The following BMAL2 variants were observed in gnomAD, a reference collection of about 807,000 sequenced individuals.
BMAL2 encodes the protein basic helix-loop-helix ARNT like 2, also known as basic helix-loop-helix ARNT-like protein 2.
chr12:27,375,229 T>C, the BMAL2 span, among the ~76,000 whole-genome samples: 1 of 152,164 alleles, frequency 6.6e-6, no homozygotes, highest in South Asian at 2.1e-4. Context: ...TTCTAGGAAT[T>C]TATCCTAGAG....
At chr12:27,401,160 T>C in the BMAL2 span, 2 of 949,106 alleles carry the variant, frequency 2.1e-6, no homozygotes, top group African/African-American at 3.2e-5. Flanking sequence ...CCCTACCCTG[T>C]GCACTTCTTT....
chr12:27,409,175 T>C, the BMAL2 span, among the ~76,000 whole-genome samples: 1 of 152,228 alleles, frequency 6.6e-6, no homozygotes, highest in South Asian at 2.1e-4. Flanking sequence ...CTGCCCAAGG[T>C]AATTTATAGA....
At chr12:27,390,408 A>G in the BMAL2 span, 1 of 680,772 alleles carries the variant, frequency 1.5e-6, no homozygotes, top group East Asian at 2.9e-5. Context: ...TGTTCATCAC[A>G]TCTTTCGAAT....
the BMAL2 span, among the ~76,000 whole-genome samples, chr12:27,402,356 C>T: frequency 1.3e-5 from 2 of 151,862 alleles, no homozygotes; most frequent in Non-Finnish European, 2.9e-5. Flanking sequence ...TCCCAGTAGT[C>T]TTTGCCTACT....
chr12:27,377,260 G>C, the BMAL2 span, among the ~76,000 whole-genome samples: 1 of 152,178 alleles, frequency 6.6e-6, no homozygotes, highest in African/African-American at 2.4e-5. Context: ...CTAGCCTCTG[G>C]ATAAATATGC....
the BMAL2 span, among the ~76,000 whole-genome samples, chr12:27,378,035 C>G: frequency 6.6e-6 from 1 of 152,296 alleles, no homozygotes; most frequent in East Asian, 1.9e-4. Context: ...AAGTCTCCCA[C>G]TTACCCTCTT....
chr12:27,418,454 A>C, the BMAL2 span, among the ~76,000 whole-genome samples: 1 of 151,740 alleles, frequency 6.6e-6, no homozygotes, highest in Non-Finnish European at 1.5e-5. Context: ...AAATTGTTTT[A>C]ATTAGCTAGG....
chr12:27,381,149 TATGTG>T, the BMAL2 span, among the ~76,000 whole-genome samples: 2 of 152,142 alleles, frequency 1.3e-5, no homozygotes, highest in African/African-American at 4.8e-5. Context: ...TATCCTCAAA[TATGTG>T]AGACACTGGG....
At chr12:27,370,790 G>A in the BMAL2 span, among the ~76,000 whole-genome samples, 1 of 152,132 alleles carries the variant, frequency 6.6e-6, no homozygotes, top group Non-Finnish European at 1.5e-5. Context: ...ATTTTTAGTA[G>A]AGATGAGGTT....
At chr12:27,388,110 C>T in the BMAL2 span, among the ~76,000 whole-genome samples, 2 of 152,048 alleles carry the variant, frequency 1.3e-5, no homozygotes, top group African/African-American at 4.8e-5. Context: ...CACGCACACA[C>T]ACACACACAC....
chr12:27,406,718 A>G, the BMAL2 span, among the ~76,000 whole-genome samples: 1 of 152,222 alleles, frequency 6.6e-6, no homozygotes, highest in Non-Finnish European at 1.5e-5. Context: ...TATCATAATG[A>G]CAGGATCAAA....
At chr12:27,374,507 C>G in the BMAL2 span, among the ~76,000 whole-genome samples, 3 of 152,092 alleles carry the variant, frequency 2.0e-5, no homozygotes, top group Admixed American at 1.3e-4. Context: ...AGCCAGTCCC[C>G]CATGGATGCT....
At chr12:27,418,824 A>G in the BMAL2 span, among the ~76,000 whole-genome samples, 45 of 151,978 alleles carry the variant, frequency 3.0e-4, no homozygotes, top group Non-Finnish European at 5.6e-4. Context: ...CTGAAAATAC[A>G]AAAAATTAGC....
the BMAL2 span, among the ~76,000 whole-genome samples, chr12:27,343,560 A>G: frequency 6.6e-6 from 1 of 152,140 alleles, no homozygotes; most frequent in Non-Finnish European, 1.5e-5. Context: ...TGTATTTTCC[A>G]GTATATAACA....
chr12:27,345,039 A>G, the BMAL2 span, among the ~76,000 whole-genome samples: 1 of 152,090 alleles, frequency 6.6e-6, no homozygotes, highest in Non-Finnish European at 1.5e-5. Context: ...TGGCTTCCTA[A>G]CTGGTATTTC....
chr12:27,350,913 A>T, the BMAL2 span, among the ~76,000 whole-genome samples: 1 of 151,174 alleles, frequency 6.6e-6, no homozygotes. Flanking sequence ...CTCCTGACCT[A>T]AGGTGATCCG....
At chr12:27,409,649 A>G in the BMAL2 span, among the ~76,000 whole-genome samples, 2 of 152,240 alleles carry the variant, frequency 1.3e-5, no homozygotes, top group African/African-American at 4.8e-5. Flanking sequence ...ACCCTAGAAG[A>G]AAACCTAGGC....
chr12:27,399,293 C>G, the BMAL2 span, among the ~76,000 whole-genome samples: 7 of 152,302 alleles, frequency 4.6e-5, no homozygotes, highest in East Asian at 1.3e-3. Flanking sequence ...CTTTGTGCCC[C>G]TCCCCTTCTG....
the BMAL2 span, among the ~76,000 whole-genome samples, chr12:27,408,895 G>A: frequency 9.9e-4 from 151 of 152,320 alleles, no homozygotes; most frequent in Middle Eastern, 3.4e-3. Context: ...CTTCAGCAAA[G>A]TCTCAGGATA....
Sources: allele counts gnomAD v4.1 joint callset (sites outside exome capture counted in the v4.1 genomes callset), GRCh38; gene constraint gnomAD v4.1.1; transcripts MANE v1.5; gene names NCBI Gene and HGNC (gene_info 2026-07-23, HGNC 2026-07-21).